ATP8A2: variants seen among roughly 807,000 people sequenced by gnomAD.
ATP8A2 encodes ATPase phospholipid transporting 8A2.
A neutral mutation model predicts 165.6 loss-of-function variants in ATP8A2; 100 were observed. That is an observed-to-expected ratio of 0.60 (90% CI 0.51 to 0.71). The LOEUF (loss-of-function observed/expected upper bound fraction) is 0.71, where lower values mean the gene tolerates loss of function less well. ATP8A2 is among the 30% of genes least tolerant of loss of function. ATP8A2 has a pLI of 0.00. For missense variants in ATP8A2, 1,227 were observed against 1,479.5 expected (o/e 0.83, Z 2.80); for synonymous variants, 543 against 548.8 (o/e 0.99, Z 0.15).
intron 30 of ATP8A2, among the ~76,000 whole-genome samples, chr13:25,849,824 A>T (rs986200376): frequency 9.2e-5 from 14 of 152,178 alleles, no homozygotes; most frequent in Non-Finnish European, 1.5e-4. Context: ...CATAACACTG[A>T]ATTGTCTCTA....
chr13:25,943,160 G>C (rs1432514545), intron 33 of ATP8A2, among the ~76,000 whole-genome samples: 1 of 152,078 alleles, frequency 6.6e-6, no homozygotes, highest in African/African-American at 2.4e-5. Flanking sequence ...CATCTGGAGA[G>C]GCATCCTCTC....
At chr13:25,582,751 C>T (rs2039810767) in intron 23 of ATP8A2, among the ~76,000 whole-genome samples, 2 of 152,200 alleles carry the variant, frequency 1.3e-5, no homozygotes, top group Admixed American at 1.3e-4. Flanking sequence ...GAGTAGTCTT[C>T]TTGGAATATT....
intron 27 of ATP8A2, among the ~76,000 whole-genome samples, chr13:25,813,603 AGGACACTGAAT>A (rs1355925680): frequency 6.6e-6 from 1 of 152,160 alleles, no homozygotes; most frequent in African/African-American, 2.4e-5. Context: ...GAACAGAGAA[AGGACACTGAAT>A]GGAATCTTGT....
At chr13:25,570,465 G>T (rs1309822821) in intron 16 of ATP8A2, among the ~76,000 whole-genome samples, 2 of 152,174 alleles carry the variant, frequency 1.3e-5, no homozygotes, top group Non-Finnish European at 2.9e-5. Context: ...GAGGCTCCTG[G>T]GGAGGCAGGG....
intron 27 of ATP8A2, among the ~76,000 whole-genome samples, chr13:25,821,088 C>T (rs1051221449): frequency 6.6e-6 from 1 of 152,140 alleles, no homozygotes; most frequent in East Asian, 1.9e-4. Flanking sequence ...CAAAAAGCTG[C>T]AGCACCTGCA....
chr13:25,665,860 T>G (rs2042142720), intron 24 of ATP8A2, among the ~76,000 whole-genome samples: 1 of 151,298 alleles, frequency 6.6e-6, no homozygotes, highest in Non-Finnish European at 1.5e-5. Context: ...TCTCAGAGCT[T>G]GATTTTTAAG....
rs139776416 is a variant in ATP8A2 at position 25,755,842 on chromosome 13, C to G, written c.2385-13204C>G. On this transcript the variant is annotated intron_variant, in intron 25 of 36. Transcript: ENST00000381655. ...GAATCGATTGAACCTGGGAGGTGGACGTTGCAGGCAGCCAAGATCACACCA... is the reference window on the plus strand; with the variant it reads ...GAATCGATTGAACCTGGGAGGTGGAGGTTGCAGGCAGCCAAGATCACACCA... 9.5e-3 allele frequency among the ~76,000 whole-genome samples: 1,447 copies of G among 152,038 alleles called. 28 individuals carry two copies. The highest frequency in any genetic ancestry group is 0.033 in the African/African-American group (1,376 of 41,460).
chr13:25,989,486 T>C (rs1450827064), intron 35 of ATP8A2, among the ~76,000 whole-genome samples: 2 of 152,224 alleles, frequency 1.3e-5, no homozygotes, highest in East Asian at 3.8e-4. Context: ...TTATTAGGTC[T>C]CTACTCCATG....
At chr13:26,014,296 A>G (rs1303479924) in intron 36 of ATP8A2, among the ~76,000 whole-genome samples, 1 of 152,218 alleles carries the variant, frequency 6.6e-6, no homozygotes, top group Non-Finnish European at 1.5e-5. Context: ...CCAATCACTG[A>G]AACAACAATT....
intron 25 of ATP8A2, among the ~76,000 whole-genome samples, chr13:25,758,643 C>T (rs574722155): frequency 6.6e-6 from 1 of 152,318 alleles, no homozygotes; most frequent in African/African-American, 2.4e-5. Context: ...TACCTATATT[C>T]ATCCACCTGC....
chr13:25,831,927 T>C (rs919754910), intron 28 of ATP8A2, among the ~76,000 whole-genome samples: 1 of 222 alleles, frequency 4.5e-3, no homozygotes, highest in Non-Finnish European at 9.6e-3. Context: ...ATATCCATAG[T>C]CAATTTCTTT....
chr13:25,489,565 T>C (rs1214903009), intron 2 of ATP8A2, among the ~76,000 whole-genome samples: 1 of 152,142 alleles, frequency 6.6e-6, no homozygotes, highest in Non-Finnish European at 1.5e-5. Flanking sequence ...ACAAAGTCTG[T>C]CTGTTTCCCC....
At chr13:25,753,143 G>C (rs1440079204) in intron 25 of ATP8A2, among the ~76,000 whole-genome samples, 2 of 152,152 alleles carry the variant, frequency 1.3e-5, no homozygotes, top group African/African-American at 4.8e-5. Context: ...GGCATGGGGC[G>C]CTGCTGATCA....
intron 1 of ATP8A2, among the ~76,000 whole-genome samples, chr13:25,409,656 C>T (rs2033909110): frequency 6.6e-6 from 1 of 152,134 alleles, no homozygotes; most frequent in Non-Finnish European, 1.5e-5. Context: ...AGTTGATGTA[C>T]ATCAATGAAA....
intron 27 of ATP8A2, among the ~76,000 whole-genome samples, chr13:25,809,313 A>G (rs1950810644): frequency 1.3e-5 from 2 of 152,186 alleles, no homozygotes; most frequent in Non-Finnish European, 2.9e-5. Context: ...AAACCTGTAC[A>G]TGTACCCCCT....
intron 24 of ATP8A2, chr13:25,649,056 A>G: frequency 2.0e-6 from 1 of 502,894 alleles, no homozygotes. Flanking sequence ...TGGAGATGTC[A>G]TGATTTCTTC....
Position 25,579,812 on chromosome 13 carries a change from GCGGA to G in ATP8A2, c.1874_1877del (p.Arg625LeufsTer18). The G allele has an allele frequency of 6.5e-7, 1 of 1,545,846 alleles. No homozygotes were observed. The highest frequency in any genetic ancestry group is 2.1e-4 in the Middle Eastern group (1 of 4,742). ...TCACCAGTGGCTGTCTTGCAGGCTTGCGGACTCTCTGTGTGGCTTATGCTGATCT... is the reference window on the plus strand; with the variant it reads ...TCACCAGTGGCTGTCTTGCAGGCTTGCTCTCTGTGTGGCTTATGCTGATCT... On this transcript the variant is annotated frameshift_variant, in exon 22 of 37. Coordinates refer to ENST00000381655, the MANE Select transcript of ATP8A2 (RefSeq NM_016529.6). LOFTEE classifies it high-confidence loss of function.
chr13:25,533,125 G>T, intron 5 of ATP8A2, 148 bp from the exon 6 acceptor site: 3 of 627,188 alleles, frequency 4.8e-6, no homozygotes, highest in Non-Finnish European at 2.8e-6. Flanking sequence ...CATTTTGAGG[G>T]TGGGGGTGCT....
chr13:25,986,295 T>C (rs1326829451), intron 35 of ATP8A2, among the ~76,000 whole-genome samples: 1 of 152,246 alleles, frequency 6.6e-6, no homozygotes, highest in Non-Finnish European at 1.5e-5. Flanking sequence ...CATCATGCTA[T>C]ACATTAGCTC....
Sources: gnomAD v4.1 joint callset for allele counts (sites outside exome capture counted in the v4.1 genomes callset) on GRCh38, gnomAD v4.1.1 for gene constraint, MANE v1.5 for transcripts, NCBI Gene and HGNC (gene_info 2026-07-23, HGNC 2026-07-21) for gene names.